Variants in CHSY3 observed in about 807,000 individuals in gnomAD.
CHSY3 encodes chondroitin sulfate synthase 3.
CHSY3 carries 35 observed loss-of-function variants against 67.2 expected under a neutral mutation model. That is an observed-to-expected ratio of 0.52 (90% CI 0.40 to 0.69). CHSY3 has a LOEUF of 0.69. Ranked by LOEUF, CHSY3 falls within the 30% of genes least tolerant of loss-of-function variation. CHSY3 has a pLI of 0.00. For missense variants in CHSY3, 1,069 were observed against 1,138.5 expected (o/e 0.94, Z 0.88); for synonymous variants, 474 against 434.7 (o/e 1.09, Z -1.12).
At chr5:129,938,896 A>T (rs1358362532) in intron 2 of CHSY3, among the ~76,000 whole-genome samples, 2 of 152,192 alleles carry the variant, frequency 1.3e-5, no homozygotes, top group Non-Finnish European at 2.9e-5. Context: ...CTCAGTTCCA[A>T]AGTTGCTTCC....
intron 2 of CHSY3, among the ~76,000 whole-genome samples, chr5:129,990,668 A>G (rs1763336062): frequency 6.6e-6 from 1 of 152,144 alleles, no homozygotes; most frequent in African/African-American, 2.4e-5. Context: ...CTATCCATTT[A>G]TATAGTAGTA....
intron 2 of CHSY3, among the ~76,000 whole-genome samples, chr5:129,934,097 C>T (rs1241098663): frequency 4.0e-5 from 6 of 151,856 alleles, no homozygotes; most frequent in Non-Finnish European, 8.8e-5. Flanking sequence ...GCAACCTAGA[C>T]AATAGATGGA....
chr5:130,160,902 T>A (rs188614069), intron 2 of CHSY3, among the ~76,000 whole-genome samples: 23 of 138,422 alleles, frequency 1.7e-4, no homozygotes, highest in Middle Eastern at 3.6e-3. Context: ...TTTATTTTTT[T>A]TTTTTTATTT....
chr5:130,131,753 G>A (rs1234852711), intron 2 of CHSY3, among the ~76,000 whole-genome samples: 1 of 152,084 alleles, frequency 6.6e-6, no homozygotes, highest in Admixed American at 6.6e-5. Flanking sequence ...TCAACCTCAT[G>A]ATATCCACTA....
rs566884346 is a variant in CHSY3 at position 130,169,952 on chromosome 5, T to C, written c.1087-14277T>C. ...ATGTCTTCTGAAATTTTGTAGCAAC[T>C]ACCATCTTTCTTTTATTTTTAAATT... On this transcript the variant is annotated intron_variant, in intron 2 of 2. Coordinates refer to ENST00000305031, the MANE Select transcript of CHSY3 (RefSeq NM_175856.5). 4.5e-4 allele frequency among the ~76,000 whole-genome samples: 68 copies of C among 152,146 alleles called. 1 individual carries two copies. The highest frequency in any genetic ancestry group is 3.4e-3 in the Middle Eastern group (1 of 294).
chr5:130,059,694 G>A (rs965328455), intron 2 of CHSY3, among the ~76,000 whole-genome samples: 10 of 152,082 alleles, frequency 6.6e-5, no homozygotes, highest in East Asian at 1.9e-4. Flanking sequence ...TGTTTTAACC[G>A]ACTACAACTA....
At chr5:130,141,678 T>C (rs1164754390) in intron 2 of CHSY3, 1 of 529,580 alleles carries the variant, frequency 1.9e-6, no homozygotes, top group Non-Finnish European at 3.7e-6. Context: ...AAGCAGCTGT[T>C]GAAGATGAGA....
chr5:130,022,060 C>G (rs1236451626), intron 2 of CHSY3, among the ~76,000 whole-genome samples: 1 of 152,000 alleles, frequency 6.6e-6, no homozygotes, highest in African/African-American at 2.4e-5. Flanking sequence ...CTTCTGTGTT[C>G]TGAAAGGCCG....
intron 2 of CHSY3, among the ~76,000 whole-genome samples, chr5:130,013,717 C>T (rs1037495240): frequency 6.6e-6 from 1 of 152,188 alleles, no homozygotes; most frequent in Non-Finnish European, 1.5e-5. Context: ...AATCCTTTTC[C>T]TTCCCAGGCC....
chr5:130,098,064 GT>G (rs925805309), intron 2 of CHSY3, among the ~76,000 whole-genome samples: 4 of 152,030 alleles, frequency 2.6e-5, no homozygotes, highest in African/African-American at 9.6e-5. Flanking sequence ...CCATTACTCA[GT>G]TTTTTTCCAA....
chr5:129,937,463 A>T (rs1387237819), intron 2 of CHSY3, among the ~76,000 whole-genome samples: 1 of 152,176 alleles, frequency 6.6e-6, no homozygotes, highest in East Asian at 1.9e-4. Flanking sequence ...ACACAGAGCC[A>T]AACCATATTA....
rs147357375 is a variant in CHSY3, at chr5:130,185,074, G to T, written c.1932G>T (p.Met644Ile). 1.2e-4 allele frequency: 185 copies of T among 1,605,156 alleles called. 1 individual carries two copies. In the East Asian group the frequency reaches 2.9e-3, roughly 26 times the overall value. The change falls in exon 3 of 3, where the codon ATG (methionine) becomes ATT (isoleucine). Residue 644 changes from methionine (M) to isoleucine (I), a missense_variant. Met to Ile is a conservative substitution (Grantham distance 10). Transcript: ENST00000305031. ...FLRFMENFEN[M>I]CLIPKQNVKL... ...GATTCATGGAGAACTTTGAAAACAT[G>T]TGTCTTATCCCAAAGCAGAATGTAA...
At chr5:130,051,954 AAG>A (rs1554079403) in intron 2 of CHSY3, 1 of 151,658 alleles carries the variant, frequency 6.6e-6, no homozygotes, top group Non-Finnish European at 1.5e-5. Flanking sequence ...AAAAAAAAAA[AAG>A]AAACTCACCT....
At chr5:130,072,015 T>C (rs1766089590) in intron 2 of CHSY3, among the ~76,000 whole-genome samples, 1 of 152,100 alleles carries the variant, frequency 6.6e-6, no homozygotes, top group Non-Finnish European at 1.5e-5. Context: ...AATGTCTGTT[T>C]AGATCCTTTG....
chr5:129,930,055 G>A (rs1190121060), intron 2 of CHSY3, among the ~76,000 whole-genome samples: 1 of 152,148 alleles, frequency 6.6e-6, no homozygotes, highest in Non-Finnish European at 1.5e-5. Context: ...TTCGGGCATG[G>A]TGGCTTAAGC....
intron 2 of CHSY3, among the ~76,000 whole-genome samples, chr5:129,935,494 C>T (rs1320173943): frequency 6.6e-6 from 1 of 152,198 alleles, no homozygotes; most frequent in Non-Finnish European, 1.5e-5. Flanking sequence ...ATCATTTAGA[C>T]AAAATATTCA....
chr5:130,009,105 T>C (rs1763970792), intron 2 of CHSY3, among the ~76,000 whole-genome samples: 1 of 152,106 alleles, frequency 6.6e-6, no homozygotes, highest in Non-Finnish European at 1.5e-5. Flanking sequence ...ATTCAGTAAA[T>C]TCAGAGAATC....
intron 2 of CHSY3, among the ~76,000 whole-genome samples, chr5:129,943,634 G>T (rs149035212): frequency 1.3e-5 from 2 of 151,846 alleles, no homozygotes; most frequent in Non-Finnish European, 2.9e-5. Context: ...AACGTATTTC[G>T]TACATAAAAT....
chr5:130,020,419 CAA>C (rs1764334721), intron 2 of CHSY3, among the ~76,000 whole-genome samples: 38 of 74,650 alleles, frequency 5.1e-4, no homozygotes, highest in African/African-American at 1.7e-3. Context: ...GACTTCATCT[CAA>C]AATATATATA....
Sources: allele counts gnomAD v4.1 joint callset (sites outside exome capture counted in the v4.1 genomes callset), GRCh38; gene constraint gnomAD v4.1.1; transcripts MANE v1.5; gene names NCBI Gene and HGNC (gene_info 2026-07-23, HGNC 2026-07-21).